Variants in BASP1 observed in about 807,000 individuals in gnomAD.
BASP1 encodes brain abundant membrane attached signal protein 1.
A neutral mutation model predicts 2.2 loss-of-function variants in BASP1; 1 was observed. That is an observed-to-expected ratio of 0.46 (90% CI 0.16 to 2.17). The LOEUF (loss-of-function observed/expected upper bound fraction) is 2.17. Ranked by LOEUF, BASP1 falls within the 30% of genes most tolerant of loss-of-function variation. The pLI is 0.27. For missense variants in BASP1, 352 were observed against 327.2 expected (o/e 1.08, Z -0.58); for synonymous variants, 187 against 154.2 (o/e 1.21, Z -1.58).
Position 17,275,399 on chromosome 5 carries a change from C to T in BASP1, c.183C>T (p.Asp61=), listed in dbSNP as rs1029579368. 1.3e-6 allele frequency: 2 copies of T among 1,578,422 alleles called. No homozygotes were observed. Among genetic ancestry groups the T allele is most frequent in the African/African-American group, 1.4e-5 (1 of 73,542 alleles). Residue 61 remains aspartate, a synonymous_variant, in exon 2 of 2, where the codon GAC becomes GAT. Transcript: ENST00000322611. The surrounding 1 kb of genome is among the most constrained non-coding windows in gnomAD (Gnocchi z 5.3). The stretch of plus-strand genomic sequence containing the variant: ...AGGGCAAGGAGAAGCCCGACCAGGA[C>T]GCCGAGGGCAAGGCCGAGGAGAAGG... The part of the protein sequence containing the change: ...AKEGKEKPDQ[D]AEGKAEEKEG...
At chr5:17,223,285 G>C (rs2126487175) in intron 1 of BASP1, among the ~76,000 whole-genome samples, 1 of 152,286 alleles carries the variant, frequency 6.6e-6, no homozygotes, top group African/African-American at 2.4e-5. Flanking sequence ...ATTTTATTTA[G>C]AAAATGGGAA....
intron 1 of BASP1, among the ~76,000 whole-genome samples, chr5:17,221,866 T>C (rs1318957571): frequency 6.6e-6 from 1 of 152,154 alleles, no homozygotes; most frequent in Non-Finnish European, 1.5e-5. Context: ...GGAAATCGTA[T>C]AAAGACTGGA....
chr5:17,223,859 C>T lies in BASP1; in HGVS notation c.-10+6049C>T, dbSNP rs149586002. 2.6e-3 allele frequency among the ~76,000 whole-genome samples: 392 copies of T among 152,278 alleles called. 2 individuals are homozygous for T. Among genetic ancestry groups the T allele is most frequent in the Non-Finnish European group, 4.1e-3 (280 of 68,026 alleles). On this transcript the variant is annotated intron_variant, in intron 1 of 1. Transcript: ENST00000322611. ...ATTAGTACTAAGGTTGATAAGCCAA[C>T]TTAGGTATTTTACATTCCATATTAT...
intron 1 of BASP1, among the ~76,000 whole-genome samples, chr5:17,235,420 C>T (rs1480293812): frequency 2.6e-5 from 4 of 151,864 alleles, no homozygotes; most frequent in East Asian, 3.9e-4. Flanking sequence ...GCCACCAGGC[C>T]GGGCTAATTT....
rs1740368211 is a variant in BASP1 at position 17,263,886 on chromosome 5, CT to C, written c.-9-11321del. On this transcript the variant is annotated intron_variant, in intron 1 of 1. Transcript: ENST00000322611. ...TAGAAACTTAGACATGGGTTGGCAC[CT>C]CTTAGGACAGTTTCCTCTCCCCAGA... Among the ~76,000 whole-genome samples the C allele has an allele frequency of 3.3e-5, 5 of 152,304 alleles. No homozygotes were observed. The South Asian group carries it at 1.0e-3, about 32-fold the overall frequency.
Position 17,261,883 on chromosome 5 carries a change from C to T in BASP1, c.-9-13325C>T, listed in dbSNP as rs145478168. Among the ~76,000 whole-genome samples the T allele has an allele frequency of 3.9e-3, 597 of 152,302 alleles. 4 individuals carry two copies. The highest frequency in any genetic ancestry group is 0.014 in the African/African-American group (564 of 41,554). On this transcript the variant is annotated intron_variant, in intron 1 of 1. Transcript: ENST00000322611. ...TGACCATTGTGGCTTTCTCTTCTGG[C>T]GCCTCATGTGCTCTGTGAGCCCTTT...
At chr5:17,249,311 A>G (rs953431) in intron 1 of BASP1, among the ~76,000 whole-genome samples, 33,594 of 151,998 alleles carry the variant, frequency 0.22, 3,827 homozygotes, top group South Asian at 0.29. Context: ...ACAAGAAGCC[A>G]TCTGCTCCTC....
chr5:17,240,292 T>C (rs554982325), intron 1 of BASP1, among the ~76,000 whole-genome samples: 2 of 152,220 alleles, frequency 1.3e-5, no homozygotes, highest in Admixed American at 1.3e-4. Flanking sequence ...CCCAGCACTT[T>C]GGTAGGCCGA....
At chr5:17,270,103 C>A (rs1023965898) in intron 1 of BASP1, among the ~76,000 whole-genome samples, 1 of 152,122 alleles carries the variant, frequency 6.6e-6, no homozygotes, top group African/African-American at 2.4e-5. Context: ...CAGGTTCAAG[C>A]GATTCTCCTG....
intron 1 of BASP1, among the ~76,000 whole-genome samples, chr5:17,257,897 C>T (rs574475952): frequency 6.6e-6 from 1 of 152,298 alleles, no homozygotes; most frequent in Non-Finnish European, 1.5e-5. Flanking sequence ...CAAACAGCAC[C>T]GTTCCTGTGT....
At chr5:17,225,168 C>T (rs1180986416) in intron 1 of BASP1, among the ~76,000 whole-genome samples, 2 of 152,182 alleles carry the variant, frequency 1.3e-5, no homozygotes, top group African/African-American at 4.8e-5. Context: ...CTGCCCCTCT[C>T]TTCTGAGAGA....
At chr5:17,249,883 C>T (rs879941628) in intron 1 of BASP1, among the ~76,000 whole-genome samples, 8 of 152,076 alleles carry the variant, frequency 5.3e-5, no homozygotes, top group South Asian at 2.1e-4. Flanking sequence ...ATTGCTGACA[C>T]CCTTCTTGCT....
Position 17,255,805 on chromosome 5 carries a change from A to G in BASP1, c.-9-19403A>G, listed in dbSNP as rs142252121. On this transcript the variant is annotated intron_variant, in intron 1 of 1. Transcript: ENST00000322611. Reference sequence around the variant, plus strand: ...TTGACAATGTTTGCATTTGACTCCTATTAAGACACTATGCCTTTCCTCAAA... The same window carrying G: ...TTGACAATGTTTGCATTTGACTCCTGTTAAGACACTATGCCTTTCCTCAAA... Among the ~76,000 whole-genome samples, 16 of 152,286 alleles carry G rather than the reference A, an allele frequency of 1.1e-4. No individual in the cohort carries two copies. In the South Asian group the frequency reaches 1.4e-3, roughly 14 times the overall value.
intron 1 of BASP1, among the ~76,000 whole-genome samples, chr5:17,241,494 A>G (rs1739862711): frequency 6.6e-6 from 1 of 152,230 alleles, no homozygotes; most frequent in Non-Finnish European, 1.5e-5. Context: ...AGAGAAATTA[A>G]TAATAGGTTA....
In BASP1 at chr5:17,275,825, A is replaced by G. The variant is rs752080253; in HGVS notation, c.609A>G (p.Ala203=). 1 of 1,611,906 alleles carries G rather than the reference A, an allele frequency of 6.2e-7. No individual in the cohort carries two copies. Among genetic ancestry groups the G allele is most frequent in the Admixed American group, 1.7e-5 (1 of 59,766 alleles). Residue 203 remains alanine (A), a synonymous_variant, in exon 2 of 2, where the codon GCA becomes GCG. Coordinates refer to ENST00000322611, the MANE Select transcript of BASP1 (RefSeq NM_006317.5). This position sits in a 1 kb window ranked among gnomAD's most constrained non-coding sequence, Gnocchi z 5.3. Reference sequence around the variant, plus strand: ...CCACACCCAAGGCCCAGGGCCCCGCAGCCTCTGCAGAAGAGCCCAAGCCGG... The same window carrying G: ...CCACACCCAAGGCCCAGGGCCCCGCGGCCTCTGCAGAAGAGCCCAAGCCGG... The part of the protein sequence containing the change: ...PSSTPKAQGP[A]ASAEEPKPVE...
At chr5:17,256,060 A>C (rs75759196) in intron 1 of BASP1, among the ~76,000 whole-genome samples, 3,322 of 152,224 alleles carry the variant, frequency 0.022, 117 homozygotes, top group African/African-American at 0.077. Context: ...CTGAGGTTTC[A>C]CATGCTCTTC....
At chr5:17,217,463 G>A (rs1739276967), upstream of BASP1, 1 of 117,040 alleles carries the variant, frequency 8.5e-6, no homozygotes, top group Non-Finnish European at 1.8e-5. Flanking sequence ...GGAGGGGGTG[G>A]AGGGGAGACG....
chr5:17,262,132 A>G (rs536308622), intron 1 of BASP1, among the ~76,000 whole-genome samples: 7 of 149,244 alleles, frequency 4.7e-5, no homozygotes, highest in South Asian at 2.1e-4. Flanking sequence ...GCTTTCTGTC[A>G]TCTAAGTAAT....
At chr5:17,274,041 T>A (rs192377404) in intron 1 of BASP1, among the ~76,000 whole-genome samples, 2,788 of 152,284 alleles carry the variant, frequency 0.018, 36 homozygotes, top group Middle Eastern at 0.034. Flanking sequence ...TATTTATAAA[T>A]TTATAATTTA....
Sources: gnomAD v4.1 joint callset for allele counts (sites outside exome capture counted in the v4.1 genomes callset) on GRCh38, gnomAD v4.1.1 for gene constraint, Gnocchi (gnomAD v3.1) non-coding constraint, MANE v1.5 for transcripts, NCBI Gene and HGNC (gene_info 2026-07-23, HGNC 2026-07-21) for gene names.